SGCZ: variants seen among roughly 807,000 people sequenced by gnomAD.
SGCZ encodes sarcoglycan zeta.
A neutral mutation model predicts 41.3 loss-of-function variants in SGCZ; 40 were observed. The observed-to-expected ratio is 0.97, with a 90% CI of 0.75 to 1.26. The LOEUF (loss-of-function observed/expected upper bound fraction) is 1.26. SGCZ is among the 50% of genes most tolerant of loss of function. The probability of loss-of-function intolerance (pLI) is 0.00; values close to 1 mark genes in which losing one functional copy is unlikely to be tolerated. For synonymous variants in SGCZ, 206 were observed against 137.5 expected, an observed-to-expected ratio of 1.50 and a Z score of -3.49; for missense variants, 552 against 369.8, an observed-to-expected ratio of 1.49 and a Z score of -4.04.
intron 1 of SGCZ, among the ~76,000 whole-genome samples, chr8:14,941,971 G>C (rs970284141): frequency 3.3e-5 from 5 of 151,790 alleles, no homozygotes; most frequent in African/African-American, 1.2e-4. Context: ...ATTAAACACT[G>C]TTCCATGTAT....
At chr8:14,515,459 A>C (rs1330777408) in intron 2 of SGCZ, among the ~76,000 whole-genome samples, 1 of 152,116 alleles carries the variant, frequency 6.6e-6, no homozygotes, top group East Asian at 1.9e-4. Context: ...GGTTTCTAAC[A>C]TAACACTATA....
intron 1 of SGCZ, among the ~76,000 whole-genome samples, chr8:15,093,045 T>G (rs1035721697): frequency 4.6e-5 from 7 of 152,204 alleles, no homozygotes. Flanking sequence ...TTTCTGAAAG[T>G]GTCTAGTCCA....
At chr8:14,908,957 T>C (rs1356726074) in intron 1 of SGCZ, among the ~76,000 whole-genome samples, 2 of 152,176 alleles carry the variant, frequency 1.3e-5, no homozygotes. Context: ...TCTCTATAAT[T>C]ATGCCTATGT....
At chr8:14,866,385 T>A (rs1439883569) in intron 1 of SGCZ, among the ~76,000 whole-genome samples, 1 of 152,158 alleles carries the variant, frequency 6.6e-6, no homozygotes, top group Non-Finnish European at 1.5e-5. Flanking sequence ...ACATTCAGCA[T>A]CTTTTGAGAC....
At chr8:14,834,342 T>C (rs911248640) in intron 1 of SGCZ, among the ~76,000 whole-genome samples, 1 of 152,220 alleles carries the variant, frequency 6.6e-6, no homozygotes, top group Non-Finnish European at 1.5e-5. Context: ...AAAAATTATT[T>C]TGGTAATTCA....
chr8:15,048,912 A>G (rs1437327087), intron 1 of SGCZ, among the ~76,000 whole-genome samples: 1 of 152,134 alleles, frequency 6.6e-6, no homozygotes, highest in African/African-American at 2.4e-5. Context: ...TGCTCTCCTC[A>G]AAAAACTTGG....
intron 1 of SGCZ, among the ~76,000 whole-genome samples, chr8:14,784,088 G>T (rs1800676325): frequency 6.7e-6 from 1 of 150,124 alleles, no homozygotes; most frequent in Non-Finnish European, 1.5e-5. Flanking sequence ...TCGCTCTCTG[G>T]CTTCCAGGCC....
intron 1 of SGCZ, among the ~76,000 whole-genome samples, chr8:15,120,939 T>A (rs1304731162): frequency 6.6e-6 from 1 of 152,202 alleles, no homozygotes; most frequent in Non-Finnish European, 1.5e-5. Context: ...TTCTTTGGTA[T>A]CTAATCAAAA....
At chr8:15,193,461 G>A (rs1452449230) in intron 1 of SGCZ, among the ~76,000 whole-genome samples, 1 of 151,882 alleles carries the variant, frequency 6.6e-6, no homozygotes, top group Non-Finnish European at 1.5e-5. Flanking sequence ...TTTAATCCTT[G>A]TAAAACTCTA....
chr8:14,686,411 C>T (rs748594813), intron 1 of SGCZ, among the ~76,000 whole-genome samples: 2 of 151,840 alleles, frequency 1.3e-5, no homozygotes, highest in African/African-American at 2.4e-5. Context: ...ATAGCAAGAA[C>T]AATTAGGAGA....
intron 1 of SGCZ, among the ~76,000 whole-genome samples, chr8:14,559,865 A>G (rs868654540): frequency 6.6e-6 from 1 of 152,110 alleles, no homozygotes; most frequent in Non-Finnish European, 1.5e-5. Context: ...AACATGTACT[A>G]TTTCCTTAAA....
chr8:14,774,192 T>G (rs1800332467), intron 1 of SGCZ, among the ~76,000 whole-genome samples: 1 of 152,196 alleles, frequency 6.6e-6, no homozygotes, highest in African/African-American at 2.4e-5. Context: ...TGAATTTCCC[T>G]GAGCAAGAGA....
chr8:14,900,919 A>T (rs887232605), intron 1 of SGCZ, among the ~76,000 whole-genome samples: 144 of 152,126 alleles, frequency 9.5e-4, no homozygotes, highest in Non-Finnish European at 5.9e-5. Context: ...CTAGTTTTAT[A>T]CTCTGAATTG....
intron 1 of SGCZ, among the ~76,000 whole-genome samples, chr8:14,957,421 T>G (rs1050545462): frequency 2.0e-5 from 3 of 152,060 alleles, no homozygotes; most frequent in Admixed American, 2.0e-4. Context: ...TTATGGTAAA[T>G]ATATTAACCT....
chr8:15,080,676 C>T (rs755146069), intron 1 of SGCZ, among the ~76,000 whole-genome samples: 14 of 152,030 alleles, frequency 9.2e-5, no homozygotes, highest in East Asian at 1.9e-4. Context: ...CTGCAACCTC[C>T]GCCTCTGGGG....
chr8:14,108,214 C>G lies in SGCZ; in HGVS notation c.569G>C (p.Gly190Ala), dbSNP rs376586183. ...GATGTGCGGCGTCTCCACAGAGTGC[C>G]CAAATACGGCTCCTTCAGTGCCTGG... ...KVTGTEGAVF[G>A]HSVETPHIRA... The change falls in exon 6 of 8, where the codon GGG (glycine) becomes GCG (alanine). Residue 190 changes from glycine (G) to alanine (A), a missense_variant. By Grantham distance (60) the Gly-to-Ala change is moderately conservative. Transcript: ENST00000382080. 6 of 1,613,888 alleles carry G rather than the reference C, an allele frequency of 3.7e-6. No homozygotes were observed. The African/African-American group carries it at 5.3e-5, about 14-fold the overall frequency.
chr8:14,322,525 G>T (rs1049513821), intron 3 of SGCZ, among the ~76,000 whole-genome samples: 1 of 152,038 alleles, frequency 6.6e-6, no homozygotes, highest in South Asian at 2.1e-4. Flanking sequence ...TTTGACACCT[G>T]TTGTTATGCT....
At chr8:14,334,681 A>G (rs1208042592) in intron 2 of SGCZ, among the ~76,000 whole-genome samples, 1 of 152,036 alleles carries the variant, frequency 6.6e-6, no homozygotes, top group Non-Finnish European at 1.5e-5. Flanking sequence ...TTCTGAAAAG[A>G]GAGTTCTGAT....
chr8:15,096,088 T>C (rs924801977), intron 1 of SGCZ, among the ~76,000 whole-genome samples: 8 of 151,896 alleles, frequency 5.3e-5, no homozygotes, highest in African/African-American at 1.9e-4. Flanking sequence ...TATTTATTTA[T>C]TTTTTTTGAG....
Sources: gnomAD v4.1 joint callset for allele counts (sites outside exome capture counted in the v4.1 genomes callset) on GRCh38, gnomAD v4.1.1 for gene constraint, MANE v1.5 for transcripts, NCBI Gene and HGNC (gene_info 2026-07-23, HGNC 2026-07-21) for gene names.